The following CACTIN variants were observed in gnomAD, a reference collection of about 807,000 sequenced individuals.
The protein encoded by CACTIN is splicing factor Cactin.
Under a neutral mutation model 84.9 loss-of-function variants are expected in CACTIN, and 20 were observed. That is an observed-to-expected ratio of 0.24 (90% CI 0.17 to 0.34). The LOEUF (loss-of-function observed/expected upper bound fraction) is 0.34, where lower values mean the gene tolerates loss of function less well. Among genes scored for constraint, CACTIN ranks in the 10% least tolerant of loss-of-function variants. The pLI is 1.00. For missense variants in CACTIN, 897 were observed against 1,117.2 expected (o/e 0.80, Z 2.81); for synonymous variants, 549 against 467.9 (o/e 1.17, Z -2.24).
In CACTIN at chr19:3,611,323, G is replaced by A. The variant is rs2032944299; in HGVS notation, c.*600C>T. The A allele has an allele frequency of 2.2e-6, 1 of 454,632 alleles. No individual in the cohort carries two copies. The highest frequency in any genetic ancestry group is 4.4e-6 in the Non-Finnish European group (1 of 226,566). 28.2% of individuals were successfully genotyped at this position (454,632 alleles called of 1,614,324 possible). On this transcript the variant is annotated 3_prime_UTR_variant, in exon 10 of 10. Coordinates refer to ENST00000429344, the MANE Select transcript of CACTIN (RefSeq NM_001080543.2). ...GTGTCCACAGAGGGTCTCTTCTGCA[G>A]TGGCGGATCGGGCGCCAGCAGGGTC...
rs751883135 is a variant in CACTIN, at chr19:3,620,372, C to T, written c.739-100G>A. The T allele has an allele frequency of 3.0e-6, 4 of 1,339,976 alleles. No homozygotes were observed. In the South Asian group the frequency reaches 5.0e-5, roughly 17 times the overall value. The allele number at this position is 1,339,976 out of a possible 1,614,324, so 83.0% of individuals were successfully genotyped here. A position where few individuals can be genotyped will look rare whatever the true frequency, so the allele number is the denominator to read the frequency against. ...GGGGGCCCAGCCTTCACCCAGCTGC[C>T]CTGGGCACAGGGATTGGTCCGGAGA... is the stretch of plus-strand genomic sequence containing the variant. On this transcript the variant is annotated intron_variant, in intron 3 of 9. Coordinates refer to ENST00000429344, the MANE Select transcript of CACTIN (RefSeq NM_001080543.2).
At position 3,615,560 on chromosome 19, in the gene CACTIN, C is replaced by G. The variant is rs2033085710; in HGVS notation, c.1163-971G>C. 1.3e-5 allele frequency: 2 copies of G among 152,412 alleles called. No homozygotes were observed. Among genetic ancestry groups the G allele is most frequent in the Non-Finnish European group, 2.9e-5 (2 of 68,172 alleles). 9.4% of individuals were successfully genotyped at this position (152,412 alleles called of 1,614,324 possible). On this transcript the variant is annotated intron_variant, in intron 6 of 9. Coordinates refer to ENST00000429344, the MANE Select transcript of CACTIN (RefSeq NM_001080543.2). The surrounding 1 kb of genome is among the most constrained non-coding windows in gnomAD (Gnocchi z 5.2). Reference sequence around the variant, plus strand: ...TGCTCAGTGAGAACATCCCTTCCGCCAGGAAGCCCTCCCTGACCATCCAGC... The same window carrying G: ...TGCTCAGTGAGAACATCCCTTCCGCGAGGAAGCCCTCCCTGACCATCCAGC...
intron 6 of CACTIN, among the ~76,000 whole-genome samples, chr19:3,618,532 G>A (rs2033154927): frequency 6.6e-6 from 1 of 152,264 alleles, no homozygotes; most frequent in Non-Finnish European, 1.5e-5. Context: ...AGGCCAGGTG[G>A]AGCGAGACTT....
intron 6 of CACTIN, chr19:3,614,875 G>A: frequency 2.0e-6 from 1 of 504,766 alleles, no homozygotes; most frequent in Non-Finnish European, 3.6e-6. Flanking sequence ...CTGGCCCTGA[G>A]AATGCCCCTC....
chr19:3,623,942 C>T lies in CACTIN; in HGVS notation c.388G>A (p.Ala130Thr). The T allele has an allele frequency of 6.2e-7, 1 of 1,603,160 alleles. No individual in the cohort carries two copies. The highest frequency in any genetic ancestry group is 8.5e-7 in the Non-Finnish European group (1 of 1,178,466). ...SPGRSQSPRA[A>T]AAALSQQQSL... is the part of the protein sequence containing the mutation. ...TGCTGCTGGCTCAGGGCAGCCGCGG[C>T]CGCCCGGGGGCTCTGGGATCGCCCT... Residue 130 changes from alanine (A) to threonine (T), a missense_variant, in exon 2 of 10, where the codon GCC becomes ACC. This residue lies in a region of CACTIN where 261 missense variants were observed against 243.8 expected (regional missense o/e 1.07). Transcript: ENST00000429344.
intron 6 of CACTIN, 146 bp downstream of exon 6, chr19:3,618,728 CT>C: frequency 1.5e-6 from 1 of 658,018 alleles, no homozygotes; most frequent in Non-Finnish European, 2.6e-6. Flanking sequence ...CTGCTGCCCC[CT>C]GGTGGCTCGG....
At chr19:3,617,383 CCT>C (rs2033125589) in intron 6 of CACTIN, among the ~76,000 whole-genome samples, 1 of 152,238 alleles carries the variant, frequency 6.6e-6, no homozygotes, top group Non-Finnish European at 1.5e-5. Context: ...CCCTCGGTTC[CCT>C]ACTCCTGGAA....
At chr19:3,621,292 G>A (rs527621076) in intron 2 of CACTIN, among the ~76,000 whole-genome samples, 1 of 152,322 alleles carries the variant, frequency 6.6e-6, no homozygotes, top group African/African-American at 2.4e-5. Flanking sequence ...GGGGTCATGG[G>A]GCCCCGCCCA....
chr19:3,616,577 C>G (rs1478007526), intron 6 of CACTIN: 1 of 152,028 alleles, frequency 6.6e-6, no homozygotes, highest in East Asian at 1.9e-4. Flanking sequence ...CCACTGCACT[C>G]CAGCCTGGCA....
rs747158900 is a variant in CACTIN at position 3,624,104 on chromosome 19, G to A, written c.226C>T (p.Arg76Trp). Reference protein sequence around the residue: ...RSGMRSRSPPRPKWHSRDGSS... With the variant: ...RSGMRSRSPPWPKWHSRDGSS... ...CCATCTCTTGAGTGCCACTTGGGCC[G>A]CGGGGGGCTCCGGCTTCGCATCCCT... The change falls in exon 2 of 10, where the codon CGG (arginine) becomes TGG (tryptophan). Residue 76 changes from arginine (R) to tryptophan (W), a missense_variant. Around this residue, in one of 8 missense-constraint regions of CACTIN, gnomAD observed 261 missense variants for 243.8 expected, o/e 1.07. Transcript: ENST00000429344. The A allele has an allele frequency of 1.4e-5, 23 of 1,589,580 alleles. 1 individual carries two copies. Among genetic ancestry groups the A allele is most frequent in the South Asian group, 5.5e-5 (5 of 90,790 alleles).
chr19:3,614,140 T>C (rs1470762317), intron 7 of CACTIN, among the ~76,000 whole-genome samples: 1 of 152,126 alleles, frequency 6.6e-6, no homozygotes, highest in South Asian at 2.1e-4. Context: ...TGGGGAGCCC[T>C]GTGAGACCAA....
Position 3,615,074 on chromosome 19 carries a change from C to G in CACTIN, c.1163-485G>C, listed in dbSNP as rs935514649. ...TGTGACTGTGGGCAAGTGGCCTGCC[C>G]TTTCTGGGCCTTAGTTTCCCTCTGT... On this transcript the variant is annotated intron_variant, in intron 6 of 9. Coordinates refer to ENST00000429344, the MANE Select transcript of CACTIN (RefSeq NM_001080543.2). The surrounding 1 kb of genome is among the most constrained non-coding windows in gnomAD (Gnocchi z 5.2). 26 of 194,642 alleles carry G rather than the reference C, an allele frequency of 1.3e-4. No individual in the cohort carries two copies. Among genetic ancestry groups the G allele is most frequent in the Non-Finnish European group, 1.7e-4 (16 of 93,130 alleles). The allele number at this position is 194,642 out of a possible 1,614,324, so 12.1% of individuals were successfully genotyped here. A position where few individuals can be genotyped will look rare whatever the true frequency, so the allele number is the denominator to read the frequency against.
At chr19:3,613,988 C>A in intron 7 of CACTIN, 1 of 426,126 alleles carries the variant, frequency 2.3e-6, no homozygotes, top group Non-Finnish European at 4.3e-6. Flanking sequence ...AATCTGTACA[C>A]AGCCAGAGGC....
Position 3,623,885 on chromosome 19 carries a change from C to A in CACTIN, c.445G>T (p.Glu149Ter). ...SLQERLRLRE[E>*]RKQQEELMKA... ...ATCAGCTCCTCCTGCTGCTTCCGCT[C>A]CTCCCGCAGCCGCAGCCGCTCCTGC... Residue 149 changes from glutamate to a stop codon, truncating the protein, a stop_gained, in exon 2 of 10, where the codon GAG becomes TAG. Coordinates refer to ENST00000429344, the MANE Select transcript of CACTIN (RefSeq NM_001080543.2). LOFTEE classifies it high-confidence loss of function. 1 of 1,607,198 alleles carries A rather than the reference C, an allele frequency of 6.2e-7. No homozygotes were observed.
Position 3,610,854 on chromosome 19 carries a change from G to A in CACTIN, c.*1069C>T, listed in dbSNP as rs1365459914. The A allele has an allele frequency of 2.2e-6, 1 of 456,798 alleles. No individual in the cohort carries two copies. The highest frequency in any genetic ancestry group is 4.4e-6 in the Non-Finnish European group (1 of 226,990). 28.3% of individuals were successfully genotyped at this position (456,798 alleles called of 1,614,324 possible). ...TGGGTGGCCCTCTGGGGGTCCGGGA[G>A]GCACTTTCCGTTTTGCTTCTGTTGG... On this transcript the variant is annotated 3_prime_UTR_variant, in exon 10 of 10. Transcript: ENST00000429344.
rs559541170 is a variant in CACTIN, at chr19:3,621,838, G to C, written c.643-1036C>G. On this transcript the variant is annotated intron_variant, in intron 2 of 9. Transcript: ENST00000429344. ...AGCATGTCCAGGCAGGGGCGCGGCAGTGTGAGGGCCCCGAGGCGGAAGGAG... is the reference window on the plus strand; with the variant it reads ...AGCATGTCCAGGCAGGGGCGCGGCACTGTGAGGGCCCCGAGGCGGAAGGAG... 1.1e-3 allele frequency among the ~76,000 whole-genome samples: 170 copies of C among 152,310 alleles called. 1 individual carries two copies. The highest frequency in any genetic ancestry group is 4.0e-3 in the African/African-American group (166 of 41,566).
In CACTIN at chr19:3,624,028, C is replaced by T. The variant is rs762274783; in HGVS notation, c.302G>A (p.Arg101His). 6.2e-6 allele frequency: 10 copies of T among 1,605,464 alleles called. No individual in the cohort carries two copies. The highest frequency in any genetic ancestry group is 2.7e-5 in the African/African-American group (2 of 75,064). Reference sequence around the variant, plus strand: ...CCACGAGCGTGCGCGCCGTCGCCGGCGAGCCCACTGGCCCCGTGACTGCTC... The same window carrying T: ...CCACGAGCGTGCGCGCCGTCGCCGGTGAGCCCACTGGCCCCGTGACTGCTC... ...GEEQSRGQWA[R>H]RRRRARSWSP... Residue 101 changes from arginine (R) to histidine (H), a missense_variant, in exon 2 of 10, where the codon CGC becomes CAC. By Grantham distance (29) the Arg-to-His change is conservative (BLOSUM62 0). Around this residue, in one of 8 missense-constraint regions of CACTIN, gnomAD observed 261 missense variants for 243.8 expected, o/e 1.07. Transcript: ENST00000429344.
chr19:3,625,480 A>G (rs972734546), intron 1 of CACTIN, among the ~76,000 whole-genome samples: 1 of 152,232 alleles, frequency 6.6e-6, no homozygotes, highest in Admixed American at 6.5e-5. Flanking sequence ...CTGTAATCCC[A>G]GCACTTTGGG....
At position 3,613,505 on chromosome 19, in the gene CACTIN, C is replaced by T. The variant is rs1310269877; in HGVS notation, c.1437G>A (p.Leu479=). The part of the protein sequence containing the change: ...KQEQGVESEP[L]FPILKQEPQS... ...GGGGCTCCTGCTTGAGGATGGGGAA[C>T]AGCGGCTCGCTCTCCACGCCCTGCT... The change falls in exon 8 of 10, where the codon CTG becomes CTA. Residue 479 remains leucine, a synonymous_variant. Coordinates refer to ENST00000429344, the MANE Select transcript of CACTIN (RefSeq NM_001080543.2). 2 of 1,583,890 alleles carry T rather than the reference C, an allele frequency of 1.3e-6. No individual in the cohort carries two copies. The highest frequency in any genetic ancestry group is 1.1e-5 in the South Asian group (1 of 87,516).
Sources: gnomAD v4.1 joint callset for allele counts (sites outside exome capture counted in the v4.1 genomes callset) on GRCh38, gnomAD v4.1.1 for gene constraint, gnomAD v4.1.1 regional missense constraint, Gnocchi (gnomAD v3.1) non-coding constraint, MANE v1.5 for transcripts, NCBI Gene and HGNC (gene_info 2026-07-23, HGNC 2026-07-21) for gene names.